Variants in ANO7 observed in about 807,000 individuals in gnomAD.
ANO7 encodes anoctamin 7, also known as anoctamin-7.
Under a neutral mutation model 115.8 loss-of-function variants are expected in ANO7, and 114 were observed. The observed-to-expected ratio is 0.98, with a 90% CI of 0.85 to 1.15. The LOEUF (loss-of-function observed/expected upper bound fraction) is 1.15, where lower values mean the gene tolerates loss of function less well. Among genes scored for constraint, ANO7 ranks in the 50% most tolerant of loss-of-function variants. The pLI is 0.00. For synonymous variants in ANO7, 550 were observed against 498.2 expected (o/e 1.10, Z -1.38); for missense variants, 1,302 against 1,201.2 (o/e 1.08, Z -1.24).
the ANO7 span, chr2:241,233,987 G>A: frequency 1.2e-5 from 19 of 1,613,726 alleles, no homozygotes; most frequent in Admixed American, 3.2e-4. The surrounding 1 kb of genome is among the most constrained non-coding windows in gnomAD (Gnocchi z 4.3). Flanking sequence ...GAGCAAGAAT[G>A]AGGCAAAGAT....
chr2:241,240,184 A>G, the ANO7 span: 9 of 1,520,844 alleles, frequency 5.9e-6, no homozygotes, highest in Admixed American at 1.5e-4. The surrounding 1 kb of genome is among the most constrained non-coding windows in gnomAD (Gnocchi z 5.5). Flanking sequence ...AGTGAGGAAG[A>G]CAAGAGGGTC....
chr2:241,199,554 C>A, intron 5 of ANO7, 131 bp downstream of exon 5: 3 of 848,756 alleles, frequency 3.5e-6, no homozygotes, highest in Non-Finnish European at 5.6e-6. Flanking sequence ...CTACCCACCC[C>A]GACACCAGGC....
At chr2:241,235,806 C>A in the ANO7 span, among the ~76,000 whole-genome samples, 1 of 152,188 alleles carries the variant, frequency 6.6e-6, no homozygotes, top group Non-Finnish European at 1.5e-5. Flanking sequence ...AAATTCCAGA[C>A]CCTTCATCCC....
At chr2:241,234,454 A>G in the ANO7 span, among the ~76,000 whole-genome samples, 1 of 152,224 alleles carries the variant, frequency 6.6e-6, no homozygotes, top group South Asian at 2.1e-4. Context: ...GCAGGGGTAC[A>G]CTGACACCAT....
chr2:241,228,508 C>T (rs2069346730), downstream of ANO7: 1 of 152,414 alleles, frequency 6.6e-6, no homozygotes, highest in African/African-American at 2.4e-5. Flanking sequence ...CCCACTCCCA[C>T]TCCAGATGGG....
Position 241,188,792 on chromosome 2 carries a change from G to A in ANO7, c.-8+26G>A, listed in dbSNP as rs779299905. On this transcript the variant is annotated intron_variant, in intron 1 of 24. Coordinates refer to ENST00000674324, the MANE Select transcript of ANO7 (RefSeq NM_001370694.2). This position sits in a 1 kb window ranked among gnomAD's most constrained non-coding sequence, Gnocchi z 4.3. ...GTGGGGACCCAGCCTAGACGTGTGGGCCACAGGGAGAAGGTGGAGCGTTGG... is the reference window on the plus strand; with the variant it reads ...GTGGGGACCCAGCCTAGACGTGTGGACCACAGGGAGAAGGTGGAGCGTTGG... 2 of 1,603,874 alleles carry A rather than the reference G, an allele frequency of 1.2e-6. No homozygotes were observed. Among genetic ancestry groups the A allele is most frequent in the Non-Finnish European group, 1.7e-6 (2 of 1,174,222 alleles).
rs368162121 is a variant in ANO7, at chr2:241,218,861, G to T, written c.2321+480G>T. 1.2e-4 allele frequency among the ~76,000 whole-genome samples: 19 copies of T among 152,250 alleles called. No homozygotes were observed. The East Asian group carries it at 3.7e-3, about 29-fold the overall frequency. On this transcript the variant is annotated intron_variant, in intron 21 of 24. Coordinates refer to ENST00000674324, the MANE Select transcript of ANO7 (RefSeq NM_001370694.2). ...CTGTGGGCTACATACATCAGCTAAC[G>T]GTACAAAAAGTTTTACGGTGCTTTC...
In ANO7 at chr2:241,188,800, GAGA is replaced by G; in HGVS notation, c.-8+37_-8+39del. On this transcript the variant is annotated intron_variant, in intron 1 of 24. Coordinates refer to ENST00000674324, the MANE Select transcript of ANO7 (RefSeq NM_001370694.2). The surrounding 1 kb of genome is among the most constrained non-coding windows in gnomAD (Gnocchi z 4.3). ...CCAGCCTAGACGTGTGGGCCACAGG[GAGA>G]AGGTGGAGCGTTGGACTCTAGGGAG... 1.9e-6 allele frequency: 3 copies of G among 1,601,110 alleles called. No individual in the cohort carries two copies. Among genetic ancestry groups the G allele is most frequent in the Non-Finnish European group, 2.6e-6 (3 of 1,172,160 alleles).
chr2:241,225,668 C>T lies in ANO7; in HGVS notation c.*1515C>T, dbSNP rs1227392747. 2.6e-5 allele frequency among the ~76,000 whole-genome samples: 4 copies of T among 152,036 alleles called. No individual in the cohort carries two copies. The highest frequency in any genetic ancestry group is 6.5e-5 in the Admixed American group (1 of 15,270). ...ACCGTGATGCCTGGCCTGAGGGCGGCGTGCTTGCTTGTAGCATTTCTTGAG... is the reference window on the plus strand; with the variant it reads ...ACCGTGATGCCTGGCCTGAGGGCGGTGTGCTTGCTTGTAGCATTTCTTGAG... On this transcript the variant is annotated 3_prime_UTR_variant, in exon 25 of 25. Transcript: ENST00000674324.
Position 241,217,903 on chromosome 2 carries a change from G to C in ANO7, c.2178+12G>C, listed in dbSNP as rs1485861934. On this transcript the variant is annotated intron_variant, in intron 20 of 24. Transcript: ENST00000674324. ...CGGTCATCAGCAACGTGAGGCCCGG[G>C]CGGGAGCGCGGGGCGGGGCGGGGGC... is the stretch of plus-strand genomic sequence containing the variant. The C allele has an allele frequency of 3.3e-6, 5 of 1,501,504 alleles. No homozygotes were observed. The highest frequency in any genetic ancestry group is 3.5e-6 in the Non-Finnish European group (4 of 1,127,594). The allele number at this position is 1,501,504 out of a possible 1,614,324, so 93.0% of individuals were successfully genotyped here.
intron 15 of ANO7, 67 bp downstream of exon 15, chr2:241,210,637 G>C: frequency 1.5e-6 from 2 of 1,349,068 alleles, no homozygotes; most frequent in Non-Finnish European, 2.1e-6. Flanking sequence ...GCCAGAACGT[G>C]ACTTTCTCAC....
chr2:241,193,356 C>T (rs996507333), intron 3 of ANO7, among the ~76,000 whole-genome samples: 3 of 152,112 alleles, frequency 2.0e-5, no homozygotes, highest in South Asian at 2.1e-4. Flanking sequence ...AAGTGTGAGC[C>T]GCCACGCCCA....
chr2:241,209,434 C>T lies in ANO7; in HGVS notation c.1221+6C>T, dbSNP rs1468574061. 1.9e-6 allele frequency: 3 copies of T among 1,595,172 alleles called. No individual in the cohort carries two copies. The highest frequency in any genetic ancestry group is 2.3e-5 in the South Asian group (2 of 88,584). ...CTGACTACGAGGACACTGAGGTGAGCCACCCCCGCTGGACCACGGTCACAC... is the reference window on the plus strand; with the variant it reads ...CTGACTACGAGGACACTGAGGTGAGTCACCCCCGCTGGACCACGGTCACAC... On this transcript the variant is annotated splice_donor_region_variant and intron_variant, in intron 12 of 24. Transcript: ENST00000674324.
Position 241,209,541 on chromosome 2 carries a change from C to T in ANO7, c.1265C>T (p.Ala422Val). 1 of 1,598,298 alleles carries T rather than the reference C, an allele frequency of 6.3e-7. No individual in the cohort carries two copies. The highest frequency in any genetic ancestry group is 1.1e-5 in the South Asian group (1 of 89,328). Reference sequence around the variant, plus strand: ...TTTGCCGCCTCAGCCCCCATGACAGCCCCGAACCCCATCACGGGTGAGGAC... The same window carrying T: ...TTTGCCGCCTCAGCCCCCATGACAGTCCCGAACCCCATCACGGGTGAGGAC... Reference protein sequence around the residue: ...PQFAASAPMTAPNPITGEDEP... With the variant: ...PQFAASAPMTVPNPITGEDEP... The change falls in exon 13 of 25, where the codon GCC becomes GTC. Residue 422 changes from alanine to valine, a missense_variant. By Grantham distance (64) the Ala-to-Val change is moderately conservative. Coordinates refer to ENST00000674324, the MANE Select transcript of ANO7 (RefSeq NM_001370694.2).
rs1422948383 is a variant in ANO7, at chr2:241,217,675, C to A, written c.1973-11C>A. ...GTGGCGGAGAGCCCGGCCGTGACCC[C>A]CTCCCCGCAGTGCTGCAGTTCGGCT... is the stretch of plus-strand genomic sequence containing the variant. On this transcript the variant is annotated splice_polypyrimidine_tract_variant and intron_variant, in intron 19 of 24. Transcript: ENST00000674324. 15 of 1,571,400 alleles carry A rather than the reference C, an allele frequency of 9.5e-6. No individual in the cohort carries two copies. The highest frequency in any genetic ancestry group is 1.3e-5 in the Non-Finnish European group (15 of 1,159,476).
At chr2:241,229,355 T>C (rs925052665), downstream of ANO7, 2 of 432,270 alleles carry the variant, frequency 4.6e-6, no homozygotes, top group Admixed American at 3.8e-5. Context: ...GAGTCTGTTA[T>C]CTTAGCACGA....
chr2:241,232,281 T>C, the ANO7 span, among the ~76,000 whole-genome samples: 1 of 151,840 alleles, frequency 6.6e-6, no homozygotes. Context: ...ATGACTTTTT[T>C]TTTTTTTTTT....
the ANO7 span, chr2:241,235,998 A>G: frequency 5.0e-6 from 1 of 199,752 alleles, no homozygotes; most frequent in South Asian, 1.1e-4. Context: ...GGCTTTGGCT[A>G]ATGCCCACGA....
chr2:241,218,451 T>TG, intron 21 of ANO7, 70 bp downstream of exon 21: 1 of 870,282 alleles, frequency 1.1e-6, no homozygotes, highest in Non-Finnish European at 1.3e-6. Context: ...TCGGGTGGGG[T>TG]GGGGGTGCGG....
Sources: allele counts gnomAD v4.1 joint callset (sites outside exome capture counted in the v4.1 genomes callset), GRCh38; gene constraint gnomAD v4.1.1; non-coding constraint Gnocchi (gnomAD v3.1); transcripts MANE v1.5; gene names NCBI Gene and HGNC (gene_info 2026-07-23, HGNC 2026-07-21).